Variants in CLIC5 observed in about 807,000 individuals in gnomAD.
CLIC5 encodes CLIC family member 5, also known as chloride intracellular channel protein 5.
A neutral mutation model predicts 24.7 loss-of-function variants in CLIC5; 20 were observed. The ratio of observed to expected loss-of-function variants is 0.81; its 90% CI spans 0.57 to 1.18. The LOEUF (loss-of-function observed/expected upper bound fraction) is 1.18, where lower values mean the gene tolerates loss of function less well. Ranked by LOEUF, CLIC5 falls within the 50% of genes most tolerant of loss-of-function variation. The probability of loss-of-function intolerance (pLI) is 0.00; values close to 1 mark genes in which losing one functional copy is unlikely to be tolerated. For missense variants in CLIC5, 341 were observed against 326.1 expected, an observed-to-expected ratio of 1.05 and a Z score of -0.35; for synonymous variants, 159 against 135.6, an observed-to-expected ratio of 1.17 and a Z score of -1.20.
chr6:46,021,301 C>T (rs997947311), intron 1 of CLIC5, among the ~76,000 whole-genome samples: 11 of 152,096 alleles, frequency 7.2e-5, no homozygotes, highest in Admixed American at 6.5e-4. Context: ...GAATACAGAG[C>T]AACTGGAACT....
chr6:45,979,348 C>T (rs904220560), intron 1 of CLIC5, among the ~76,000 whole-genome samples: 3 of 152,158 alleles, frequency 2.0e-5, no homozygotes, highest in Admixed American at 1.3e-4. Context: ...AAGCATGTCA[C>T]GTTCTTTCCT....
chr6:46,073,786 G>A (rs959198511), intron 1 of CLIC5, among the ~76,000 whole-genome samples: 1 of 152,238 alleles, frequency 6.6e-6, no homozygotes, highest in Admixed American at 6.5e-5. Flanking sequence ...ACATGTGAGT[G>A]TTGGCTGTGA....
intron 1 of CLIC5, among the ~76,000 whole-genome samples, chr6:45,984,650 C>A (rs1449062496): frequency 6.6e-6 from 1 of 152,194 alleles, no homozygotes; most frequent in Non-Finnish European, 1.5e-5. Flanking sequence ...GCAAGGCTTT[C>A]ATGGTCTTCT....
the CLIC5 span, among the ~76,000 whole-genome samples, chr6:46,098,640 C>G: frequency 3.9e-4 from 60 of 152,286 alleles, no homozygotes; most frequent in African/African-American, 1.3e-3. Context: ...GGAAACATAG[C>G]CTTTGCAAGG....
intron 1 of CLIC5, among the ~76,000 whole-genome samples, chr6:46,068,259 A>G (rs909024812): frequency 1.3e-5 from 2 of 152,134 alleles, no homozygotes; most frequent in African/African-American, 4.8e-5. Flanking sequence ...TAACTGTAAG[A>G]GAATAAGTTT....
intron 1 of CLIC5, among the ~76,000 whole-genome samples, chr6:45,983,016 T>C (rs1216951694): frequency 1.3e-5 from 2 of 152,284 alleles, no homozygotes; most frequent in Admixed American, 1.3e-4. Flanking sequence ...GTTGCCTACT[T>C]TTATGAGCTG....
chr6:46,076,159 T>C (rs2127477259), intron 1 of CLIC5, among the ~76,000 whole-genome samples: 1 of 152,324 alleles, frequency 6.6e-6, no homozygotes, highest in Non-Finnish European at 1.5e-5. Flanking sequence ...GAGGTTCCCC[T>C]AGTGGCCCCT....
chr6:45,961,661 T>A (rs934422920), intron 1 of CLIC5, among the ~76,000 whole-genome samples: 1 of 152,216 alleles, frequency 6.6e-6, no homozygotes, highest in African/African-American at 2.4e-5. Flanking sequence ...ATTTTTTTTT[T>A]AATACCAAAC....
At chr6:46,066,187 A>C (rs1018107369) in intron 1 of CLIC5, among the ~76,000 whole-genome samples, 1 of 152,116 alleles carries the variant, frequency 6.6e-6, no homozygotes, top group Non-Finnish European at 1.5e-5. Flanking sequence ...CAGGCAAACA[A>C]TCAACCTATT....
chr6:45,965,281 C>T (rs1378800940), intron 1 of CLIC5, among the ~76,000 whole-genome samples: 1 of 152,186 alleles, frequency 6.6e-6, no homozygotes, highest in African/African-American at 2.4e-5. Context: ...ACATGCATGT[C>T]TGTTCTCTAT....
chr6:45,959,770 C>G (rs113501668), intron 1 of CLIC5, among the ~76,000 whole-genome samples: 155 of 152,316 alleles, frequency 1.0e-3, no homozygotes, highest in Middle Eastern at 3.4e-3. Context: ...CTTTTCCTTC[C>G]ACAACCATCA....
At chr6:46,037,051 C>A (rs963968475) in intron 1 of CLIC5, among the ~76,000 whole-genome samples, 1 of 152,034 alleles carries the variant, frequency 6.6e-6, no homozygotes, top group Admixed American at 6.6e-5. Context: ...CATATTCAAC[C>A]AAAGGTCTTC....
intron 1 of CLIC5, among the ~76,000 whole-genome samples, chr6:45,979,852 T>C (rs1765509002): frequency 6.6e-6 from 1 of 152,142 alleles, no homozygotes; most frequent in Admixed American, 6.5e-5. Flanking sequence ...ACTCTCTCTG[T>C]TGATAGTTTC....
chr6:45,882,302 A>G (rs1345817375), intron 6 of CLIC5, among the ~76,000 whole-genome samples: 1 of 152,230 alleles, frequency 6.6e-6, no homozygotes, highest in Non-Finnish European at 1.5e-5. Flanking sequence ...CATTCCTTCA[A>G]TCCAAAACAA....
rs986587843 is a variant in CLIC5, at chr6:45,964,340, A to G, written c.64-9096T>C. The stretch of plus-strand genomic sequence containing the variant: ...TCTGCAGCACTATTTCCAATCCCGT[A>G]TGTCCTTCATAACCTTTCCACAGCC... On this transcript the variant is annotated intron_variant, in intron 1 of 5. Transcript: ENST00000339561. Among the ~76,000 whole-genome samples, 4 of 152,342 alleles carry G rather than the reference A, an allele frequency of 2.6e-5. No homozygotes were observed. The East Asian group carries it at 5.8e-4, about 22-fold the overall frequency.
chr6:45,945,995 A>G (rs1395380230), intron 3 of CLIC5, among the ~76,000 whole-genome samples: 1 of 152,250 alleles, frequency 6.6e-6, no homozygotes, highest in African/African-American at 2.4e-5. Context: ...GACAATAACC[A>G]GCTCTGGAAG....
At chr6:46,070,569 G>T (rs1762565746) in intron 1 of CLIC5, among the ~76,000 whole-genome samples, 1 of 152,002 alleles carries the variant, frequency 6.6e-6, no homozygotes. Context: ...AAAGAAATCA[G>T]AGAGGACACA....
chr6:45,903,585 C>T (rs151324569), intron 5 of CLIC5, among the ~76,000 whole-genome samples: 3 of 152,050 alleles, frequency 2.0e-5, no homozygotes, highest in Non-Finnish European at 2.9e-5. Context: ...TGGTGCACAG[C>T]GCCAAAGTCC....
At chr6:46,042,752 G>C (rs1767842925) in intron 1 of CLIC5, among the ~76,000 whole-genome samples, 1 of 152,196 alleles carries the variant, frequency 6.6e-6, no homozygotes, top group Admixed American at 6.5e-5. Flanking sequence ...GGAGTATTGA[G>C]TCTCGGTTCC....
Sources: allele counts gnomAD v4.1 joint callset (sites outside exome capture counted in the v4.1 genomes callset), GRCh38; gene constraint gnomAD v4.1.1; transcripts MANE v1.5; gene names NCBI Gene and HGNC (gene_info 2026-07-23, HGNC 2026-07-21).